ARID1B: variants seen among roughly 807,000 people sequenced by gnomAD.
The protein encoded by ARID1B is AT-rich interactive domain-containing protein 1B.
A neutral mutation model predicts 212.3 loss-of-function variants in ARID1B; 30 were observed. That is an observed-to-expected ratio of 0.14 (90% CI 0.11 to 0.19). The LOEUF is 0.19. Ranked by LOEUF, ARID1B falls within the 10% of genes least tolerant of loss-of-function variation. The probability of loss-of-function intolerance (pLI) is 1.00; values close to 1 mark genes in which losing one functional copy is unlikely to be tolerated. For synonymous variants in ARID1B, 1,402 were observed against 1,301.7 expected, an observed-to-expected ratio of 1.08 and a Z score of -1.66; for missense variants, 2,891 against 3,204.0, an observed-to-expected ratio of 0.90 and a Z score of 2.36.
At chr6:157,126,742 C>T (rs966351749) in intron 6 of ARID1B, among the ~76,000 whole-genome samples, 6 of 152,086 alleles carry the variant, frequency 3.9e-5, no homozygotes, top group Non-Finnish European at 8.8e-5. Flanking sequence ...CCTATAATTC[C>T]ATAATACATT....
At chr6:157,005,132 TTTGTTGTTG>T (rs150174504) in intron 4 of ARID1B, among the ~76,000 whole-genome samples, 43,638 of 148,668 alleles carry the variant, frequency 0.29, 6,514 homozygotes, top group Non-Finnish European at 0.31. Flanking sequence ...CAGGCTGTTT[TTTGTTGTTG>T]TTGTTGTTGT....
intron 2 of ARID1B, among the ~76,000 whole-genome samples, chr6:156,882,280 C>T (rs558656255): frequency 3.3e-5 from 5 of 152,292 alleles, no homozygotes; most frequent in African/African-American, 1.2e-4. Flanking sequence ...GCAGAGTTGG[C>T]CAGCCTGCCT....
chr6:157,067,580 T>A (rs145792046), intron 4 of ARID1B, among the ~76,000 whole-genome samples: 1 of 152,324 alleles, frequency 6.6e-6, no homozygotes, highest in African/African-American at 2.4e-5. Flanking sequence ...GAGTTTCCTA[T>A]ATCATTTAGC....
chr6:156,944,206 A>G (rs537563616), intron 4 of ARID1B, among the ~76,000 whole-genome samples: 22 of 152,244 alleles, frequency 1.4e-4, no homozygotes, highest in Admixed American at 5.9e-4. Context: ...TGGAGTGAGT[A>G]AAGTGCGGGT....
At chr6:157,008,879 G>A (rs1008826724) in intron 4 of ARID1B, among the ~76,000 whole-genome samples, 13 of 152,230 alleles carry the variant, frequency 8.5e-5, no homozygotes, top group African/African-American at 2.4e-4. Flanking sequence ...TCAGTTTGAC[G>A]CTAGCACACC....
chr6:157,170,329 C>T (rs1791632272), intron 9 of ARID1B: 1 of 152,200 alleles, frequency 6.6e-6, no homozygotes, highest in Non-Finnish European at 1.5e-5. Flanking sequence ...TATCAATCTT[C>T]CAGCTGGATC....
At chr6:157,131,665 C>G (rs553263139) in intron 6 of ARID1B, among the ~76,000 whole-genome samples, 18 of 152,172 alleles carry the variant, frequency 1.2e-4, no homozygotes, top group Admixed American at 1.2e-3. Flanking sequence ...ATTCTAGCGC[C>G]AGTGGGAAGC....
chr6:157,090,275 T>C (rs928184011), intron 5 of ARID1B, among the ~76,000 whole-genome samples: 3 of 152,184 alleles, frequency 2.0e-5, no homozygotes, highest in African/African-American at 7.2e-5. Context: ...GACAGGCAGG[T>C]GTTAACTGTT....
At chr6:157,008,744 G>C (rs746222831) in intron 4 of ARID1B, among the ~76,000 whole-genome samples, 1 of 152,074 alleles carries the variant, frequency 6.6e-6, no homozygotes, top group Admixed American at 6.5e-5. Flanking sequence ...CTCTGGGTAC[G>C]GGATCGGCGG....
intron 4 of ARID1B, among the ~76,000 whole-genome samples, chr6:157,026,674 G>A (rs1370574760): frequency 2.0e-5 from 3 of 152,078 alleles, no homozygotes; most frequent in Admixed American, 6.5e-5. Context: ...TTGTTTTTGT[G>A]CTAAAATACC....
At position 156,811,872 on chromosome 6, in the gene ARID1B, C is replaced by A. The variant is rs541727941; in HGVS notation, c.1792-17355C>A. On this transcript the variant is annotated intron_variant, in intron 1 of 19. Coordinates refer to ENST00000636930, the MANE Select transcript of ARID1B (RefSeq NM_001374828.1). Reference sequence around the variant, plus strand: ...ACATTCTGCTTATCTCAAGGGATATCAGTTGGGGTATATATATAGATGCCT... The same window carrying A: ...ACATTCTGCTTATCTCAAGGGATATAAGTTGGGGTATATATATAGATGCCT... Among the ~76,000 whole-genome samples the A allele has an allele frequency of 2.0e-5, 3 of 152,288 alleles. No homozygotes were observed. The South Asian group carries it at 6.2e-4, about 32-fold the overall frequency.
At chr6:157,165,891 T>C (rs992893913) in intron 8 of ARID1B, 1 of 152,140 alleles carries the variant, frequency 6.6e-6, no homozygotes, top group African/African-American at 2.4e-5. Flanking sequence ...ATGTTAATCT[T>C]TTAAAGGATC....
intron 8 of ARID1B, 60 bp downstream of exon 8, chr6:157,149,011 G>A (rs1790007486): frequency 2.7e-6 from 4 of 1,505,278 alleles, no homozygotes; most frequent in Non-Finnish European, 2.7e-6. Flanking sequence ...GTGACCACGT[G>A]ACTGCGCACA....
At chr6:156,802,663 T>C (rs1206005477) in intron 1 of ARID1B, among the ~76,000 whole-genome samples, 1 of 152,228 alleles carries the variant, frequency 6.6e-6, no homozygotes, top group Non-Finnish European at 1.5e-5. Flanking sequence ...CCCCTGGGGC[T>C]TTGATTTCTA....
At chr6:157,156,747 G>A (rs1790601316) in intron 8 of ARID1B, among the ~76,000 whole-genome samples, 1 of 152,178 alleles carries the variant, frequency 6.6e-6, no homozygotes, top group Non-Finnish European at 1.5e-5. Flanking sequence ...TTCTGGTGTG[G>A]AAGCCAGCTC....
At chr6:157,194,729 C>T (rs1406297405) in intron 15 of ARID1B, 1 of 152,058 alleles carries the variant, frequency 6.6e-6, no homozygotes. Flanking sequence ...AGGTTTTCAC[C>T]TTTTTTCTTA....
At chr6:157,075,067 T>G (rs1221137842) in intron 4 of ARID1B, among the ~76,000 whole-genome samples, 1 of 152,194 alleles carries the variant, frequency 6.6e-6, no homozygotes, top group Non-Finnish European at 1.5e-5. Context: ...TATAAAGTGG[T>G]TATATGCTCT....
At chr6:156,809,616 T>C (rs1435717416) in intron 1 of ARID1B, among the ~76,000 whole-genome samples, 1 of 151,008 alleles carries the variant, frequency 6.6e-6, no homozygotes, top group Non-Finnish European at 1.5e-5. Flanking sequence ...TTACATAGAA[T>C]TACTGGGTTA....
At chr6:156,791,849 G>A (rs1042675681) in intron 1 of ARID1B, among the ~76,000 whole-genome samples, 5 of 152,156 alleles carry the variant, frequency 3.3e-5, no homozygotes, top group African/African-American at 1.2e-4. Flanking sequence ...TTTAAAAAAG[G>A]ACATTGTTAT....
Sources: gnomAD v4.1 joint callset for allele counts (sites outside exome capture counted in the v4.1 genomes callset) on GRCh38, gnomAD v4.1.1 for gene constraint, MANE v1.5 for transcripts, NCBI Gene and HGNC (gene_info 2026-07-23, HGNC 2026-07-21) for gene names.